PTPRD: variants seen among roughly 807,000 people sequenced by gnomAD.
The protein encoded by PTPRD is receptor-type tyrosine-protein phosphatase delta.
A neutral mutation model predicts 214.5 loss-of-function variants in PTPRD; 34 were observed. That is an observed-to-expected ratio of 0.16 (90% CI 0.12 to 0.21). The LOEUF is 0.21. Among genes scored for constraint, PTPRD ranks in the 10% least tolerant of loss-of-function variants. The pLI is 1.00. For missense variants in PTPRD, 2,545 were observed against 2,398.7 expected (o/e 1.06, Z -1.27); for synonymous variants, 1,128 against 845.7 (o/e 1.33, Z -5.79).
intron 11 of PTPRD, among the ~76,000 whole-genome samples, chr9:8,826,469 C>G (rs1389096898): frequency 1.3e-5 from 2 of 152,136 alleles, no homozygotes; most frequent in Non-Finnish European, 2.9e-5. Context: ...GTCCACCACC[C>G]TCCAGCCCTG....
chr9:10,551,873 C>A (rs1384523828), intron 2 of PTPRD, among the ~76,000 whole-genome samples: 2 of 152,176 alleles, frequency 1.3e-5, no homozygotes, highest in African/African-American at 4.8e-5. Flanking sequence ...AATCCTGAGA[C>A]TTGAAACATG....
intron 2 of PTPRD, among the ~76,000 whole-genome samples, chr9:10,512,020 ATATATATATG>A (rs1206526185): frequency 6.0e-4 from 36 of 60,488 alleles, no homozygotes; most frequent in African/African-American, 3.0e-3. Context: ...ACGTGTGTGT[ATATATATATG>A]TATATATATA....
intron 23 of PTPRD, among the ~76,000 whole-genome samples, chr9:8,502,897 G>C (rs1363005040): frequency 1.3e-5 from 2 of 150,698 alleles, no homozygotes; most frequent in South Asian, 4.2e-4. Context: ...ACTGAGGTTT[G>C]TAAACCATGG....
chr9:8,335,493 C>G (rs972182482), intron 43 of PTPRD, among the ~76,000 whole-genome samples: 4 of 152,172 alleles, frequency 2.6e-5, no homozygotes, highest in African/African-American at 9.7e-5. Context: ...GAACGTATCT[C>G]AAAATAAGAA....
rs145231316 is a variant in PTPRD at position 10,340,198 on chromosome 9, C to T, written c.-545+765G>A. Among the ~76,000 whole-genome samples, 601 of 151,930 alleles carry T rather than the reference C, an allele frequency of 4.0e-3. 4 individuals are homozygous for T. Among genetic ancestry groups the T allele is most frequent in the Middle Eastern group, 0.034 (10 of 294 alleles). On this transcript the variant is annotated intron_variant, in intron 3 of 45. Transcript: ENST00000381196. ...AAGTTCTCAATGTCTACCTGTGATA[C>T]GGTTATGTACATTTGTTGTCAATGT...
intron 2 of PTPRD, among the ~76,000 whole-genome samples, chr9:10,563,112 T>C (rs1327442195): frequency 6.6e-6 from 1 of 152,152 alleles, no homozygotes; most frequent in Non-Finnish European, 1.5e-5. Context: ...TCCCCACTTG[T>C]CATGGAAAAT....
intron 9 of PTPRD, among the ~76,000 whole-genome samples, chr9:9,357,867 C>T (rs913005927): frequency 3.3e-5 from 5 of 150,172 alleles, no homozygotes; most frequent in East Asian, 2.0e-4. Context: ...CTTTTTTTTC[C>T]CAGGTAACAT....
At chr9:8,683,157 C>T (rs1201518763) in intron 12 of PTPRD, among the ~76,000 whole-genome samples, 1 of 152,088 alleles carries the variant, frequency 6.6e-6, no homozygotes, top group Non-Finnish European at 1.5e-5. Flanking sequence ...GAAGGCATAC[C>T]ACTTTTGAGT....
chr9:9,138,857 C>T (rs1002385943), intron 10 of PTPRD, among the ~76,000 whole-genome samples: 1 of 151,884 alleles, frequency 6.6e-6, no homozygotes, highest in Non-Finnish European at 1.5e-5. Context: ...TAATATAATG[C>T]TACCATTCTA....
At chr9:9,564,478 A>G (rs1406229185) in intron 8 of PTPRD, among the ~76,000 whole-genome samples, 1 of 152,102 alleles carries the variant, frequency 6.6e-6, no homozygotes, top group African/African-American at 2.4e-5. Context: ...ACATTAGATC[A>G]ACTAAATTCG....
intron 5 of PTPRD, among the ~76,000 whole-genome samples, chr9:9,936,878 T>C (rs62536904): frequency 0.034 from 4,968 of 144,738 alleles, 122 homozygotes; most frequent in East Asian, 0.18. Context: ...ATATACACCA[T>C]GGAATACTAT....
intron 5 of PTPRD, among the ~76,000 whole-genome samples, chr9:9,918,335 A>G: frequency 7.5e-6 from 1 of 133,412 alleles, no homozygotes; most frequent in East Asian, 2.2e-4. Context: ...CCTAGGAATA[A>G]ATTTAACCAA....
At chr9:10,574,607 A>C (rs2068568331) in intron 2 of PTPRD, among the ~76,000 whole-genome samples, 1 of 152,004 alleles carries the variant, frequency 6.6e-6, no homozygotes, top group Non-Finnish European at 1.5e-5. Flanking sequence ...TTGTGGGTTA[A>C]TGTTCATTAA....
At chr9:10,073,717 A>G (rs2098079006) in intron 3 of PTPRD, among the ~76,000 whole-genome samples, 1 of 152,022 alleles carries the variant, frequency 6.6e-6, no homozygotes, top group Non-Finnish European at 1.5e-5. Flanking sequence ...TCATTTCTAC[A>G]TCGTTGACAT....
intron 30 of PTPRD, among the ~76,000 whole-genome samples, chr9:8,476,250 C>T (rs936696316): frequency 1.3e-5 from 2 of 152,116 alleles, no homozygotes; most frequent in Non-Finnish European, 2.9e-5. Context: ...CATAAAGAGC[C>T]GGCAACCTAA....
chr9:10,377,580 T>G (rs2097756088), intron 2 of PTPRD, among the ~76,000 whole-genome samples: 1 of 151,952 alleles, frequency 6.6e-6, no homozygotes, highest in Non-Finnish European at 1.5e-5. Context: ...CTGAGAATGG[T>G]GGTTTCCAGC....
chr9:9,049,112 C>G (rs920044677), intron 10 of PTPRD, among the ~76,000 whole-genome samples: 4 of 152,186 alleles, frequency 2.6e-5, no homozygotes, highest in Non-Finnish European at 4.4e-5. Context: ...TCACTGTCTT[C>G]AAGACATTTT....
rs550595197 is a variant in PTPRD at position 9,508,486 on chromosome 9, C to T, written c.-237+66246G>A. Among the ~76,000 whole-genome samples the T allele has an allele frequency of 2.1e-4, 32 of 151,776 alleles. No homozygotes were observed. In the East Asian group the frequency reaches 6.0e-3, roughly 29 times the overall value. On this transcript the variant is annotated intron_variant, in intron 8 of 45. Coordinates refer to ENST00000381196, the MANE Select transcript of PTPRD (RefSeq NM_002839.4). ...AATACAACCCAACAACTTAGAATAG[C>T]TTTTTCTCCATATATTTCTCCCCAT...
At chr9:9,472,449 C>T (rs1271491162) in intron 8 of PTPRD, among the ~76,000 whole-genome samples, 1 of 151,822 alleles carries the variant, frequency 6.6e-6, no homozygotes, top group Non-Finnish European at 1.5e-5. Flanking sequence ...ATGATCCACC[C>T]GCCTCGGCCT....
Sources: gnomAD v4.1 joint callset for allele counts (sites outside exome capture counted in the v4.1 genomes callset) on GRCh38, gnomAD v4.1.1 for gene constraint, MANE v1.5 for transcripts, NCBI Gene and HGNC (gene_info 2026-07-23, HGNC 2026-07-21) for gene names.